Variants in CIAO3 observed in about 807,000 individuals in gnomAD.
CIAO3 encodes cytosolic iron-sulfur assembly component 3.
CIAO3 carries 45 observed loss-of-function variants against 51.5 expected under a neutral mutation model. The observed-to-expected ratio is 0.87, with a 90% CI of 0.69 to 1.12. The LOEUF is 1.12. Ranked by LOEUF, CIAO3 falls within the 50% of genes most tolerant of loss-of-function variation. The probability of loss-of-function intolerance (pLI) is 0.00; values close to 1 mark genes in which losing one functional copy is unlikely to be tolerated. For missense variants in CIAO3, 668 were observed against 632.5 expected, an observed-to-expected ratio of 1.06 and a Z score of -0.60; for synonymous variants, 314 against 269.3, an observed-to-expected ratio of 1.17 and a Z score of -1.63.
chr16:739,897 C>A, intron 1 of CIAO3, 159 bp from the exon 2 acceptor site: 2 of 1,210,582 alleles, frequency 1.7e-6, no homozygotes, highest in Non-Finnish European at 2.3e-6. Flanking sequence ...TCTTCCTGCC[C>A]CACTGCTCTC....
Position 729,895 on chromosome 16 carries a change from C to A in CIAO3, c.*522G>T. The stretch of plus-strand genomic sequence containing the variant: ...CTTGCCCCGGACCACAGCCTCGTAA[C>A]GGTAACCCCTGCTTTCCAGGGGCCT... On this transcript the variant is annotated 3_prime_UTR_variant, in exon 11 of 11. Transcript: ENST00000251588. The A allele has an allele frequency of 2.6e-6, 1 of 386,424 alleles. No homozygotes were observed. Among genetic ancestry groups the A allele is most frequent in the Non-Finnish European group, 4.6e-6 (1 of 216,454 alleles). The allele number at this position is 386,424 out of a possible 1,614,324, so 23.9% of individuals were successfully genotyped here.
At position 731,719 on chromosome 16, in the gene CIAO3, GGCCTCA is replaced by G. The variant is rs2041285449; in HGVS notation, c.897-23_897-18del. The G allele has an allele frequency of 6.5e-7, 1 of 1,541,038 alleles. No homozygotes were observed. Among genetic ancestry groups the G allele is most frequent in the African/African-American group, 1.4e-5 (1 of 73,484 alleles). On this transcript the variant is annotated intron_variant, in intron 8 of 10. Coordinates refer to ENST00000251588, the MANE Select transcript of CIAO3 (RefSeq NM_022493.3). Reference sequence around the variant, plus strand: ...CCGCTGCACCTGGCAAGGAGGGAGGGGCCTCAGCACAGCTGGGGCTGCTGCCTGCCA... The same window carrying G: ...CCGCTGCACCTGGCAAGGAGGGAGGGGCACAGCTGGGGCTGCTGCCTGCCA...
At chr16:733,560 C>T in intron 6 of CIAO3, 133 bp from the exon 7 acceptor site, 1 of 1,372,222 alleles carries the variant, frequency 7.3e-7, no homozygotes, top group Non-Finnish European at 9.9e-7. Flanking sequence ...TCCCAGCAAG[C>T]CTCCTGCCGG....
chr16:734,353 G>A lies in CIAO3; in HGVS notation c.575-6C>T. ...CTCGGCATAGCAGATCCAGCCTGAG[G>A]TGACAGGGGGCACACGGGGCTGGCG... On this transcript the variant is annotated splice_polypyrimidine_tract_variant and splice_region_variant and intron_variant, in intron 5 of 10. Transcript: ENST00000251588. 1.2e-6 allele frequency: 2 copies of A among 1,603,782 alleles called. No homozygotes were observed. Among genetic ancestry groups the A allele is most frequent in the Non-Finnish European group, 1.7e-6 (2 of 1,175,604 alleles).
At chr16:738,485 C>G (rs1380222293) in intron 2 of CIAO3, 2 of 280,876 alleles carry the variant, frequency 7.1e-6, no homozygotes, top group African/African-American at 4.7e-5. Context: ...GTAGCTGGGA[C>G]TACAGGCGCC....
rs1000769425 is a variant in CIAO3 at position 729,928 on chromosome 16, C to A, written c.*489G>T. ...CCTGCTTTCCAGGGGCCTGGCACCC[C>A]CCCCTGCCAGGGTCCACACGCAGGG... On this transcript the variant is annotated 3_prime_UTR_variant, in exon 11 of 11. Coordinates refer to ENST00000251588, the MANE Select transcript of CIAO3 (RefSeq NM_022493.3). The A allele has an allele frequency of 5.7e-6, 2 of 349,374 alleles. No homozygotes were observed. Among genetic ancestry groups the A allele is most frequent in the African/African-American group, 4.3e-5 (2 of 46,138 alleles). The allele number at this position is 349,374 out of a possible 1,614,324, so 21.6% of individuals were successfully genotyped here.
rs1266353935 is a variant in CIAO3 at position 736,416 on chromosome 16, G to A, written c.307-18C>T. The A allele has an allele frequency of 1.9e-6, 3 of 1,612,270 alleles. No homozygotes were observed. On this transcript the variant is annotated intron_variant, in intron 3 of 10. Transcript: ENST00000251588. Reference sequence around the variant, plus strand: ...GCCGCCATCTGCAAAGCAAGGGGAAGACGCTGCTTACTCTGCTGGCCTTAT... The same window carrying A: ...GCCGCCATCTGCAAAGCAAGGGGAAAACGCTGCTTACTCTGCTGGCCTTAT...
At chr16:736,745 C>T (rs1295803683) in intron 3 of CIAO3, among the ~76,000 whole-genome samples, 2 of 152,088 alleles carry the variant, frequency 1.3e-5, no homozygotes, top group Non-Finnish European at 2.9e-5. Context: ...CTCACTGCAA[C>T]CTCTGTCTCC....
chr16:737,100 C>T lies in CIAO3; in HGVS notation c.306+86G>A. 6.3e-7 allele frequency: 1 copy of T among 1,580,360 alleles called. No individual in the cohort carries two copies. The highest frequency in any genetic ancestry group is 8.7e-7 in the Non-Finnish European group (1 of 1,153,544). ...ACCCGCACGACGGACGTCGGCACCA[C>T]ACGAGCTGCCCTTGGCAAAACGCGT... is the stretch of plus-strand genomic sequence containing the variant. On this transcript the variant is annotated intron_variant, in intron 3 of 10. Coordinates refer to ENST00000251588, the MANE Select transcript of CIAO3 (RefSeq NM_022493.3). This position sits in a 1 kb window ranked among gnomAD's most constrained non-coding sequence, Gnocchi z 5.3.
At chr16:739,992 C>T (rs769885845) in intron 1 of CIAO3, 4 of 1,476,486 alleles carry the variant, frequency 2.7e-6, no homozygotes, top group Non-Finnish European at 3.6e-6. Context: ...CTGCAAACTA[C>T]CCACCTGCGG....
chr16:732,203 G>C (rs2041290355), intron 8 of CIAO3, 98 bp downstream of exon 8: 1 of 1,303,444 alleles, frequency 7.7e-7, no homozygotes, highest in Admixed American at 2.1e-5. Flanking sequence ...TGGACGCCAA[G>C]ATGGGCTGCG....
At position 737,401 on chromosome 16, in the gene CIAO3, T is replaced by A. The variant is rs1596674927; in HGVS notation, c.163-72A>T. On this transcript the variant is annotated intron_variant, in intron 2 of 10. Transcript: ENST00000251588. This position sits in a 1 kb window ranked among gnomAD's most constrained non-coding sequence, Gnocchi z 5.3. ...GACATGGAGACAGAGGATAGTGGAG[T>A]CCAGCTCATAACCGACAACCAACAT... The A allele has an allele frequency of 6.3e-7, 1 of 1,599,110 alleles. No individual in the cohort carries two copies. The highest frequency in any genetic ancestry group is 1.7e-5 in the Admixed American group (1 of 59,448).
In CIAO3 at chr16:729,926, C is replaced by G. The variant is rs371560469; in HGVS notation, c.*491G>C. On this transcript the variant is annotated 3_prime_UTR_variant, in exon 11 of 11. Transcript: ENST00000251588. ...CCCCTGCTTTCCAGGGGCCTGGCACCCCCCCCTGCCAGGGTCCACACGCAG... is the reference window on the plus strand; with the variant it reads ...CCCCTGCTTTCCAGGGGCCTGGCACGCCCCCCTGCCAGGGTCCACACGCAG... 1 of 348,810 alleles carries G rather than the reference C, an allele frequency of 2.9e-6. No homozygotes were observed. The highest frequency in any genetic ancestry group is 2.4e-5 in the South Asian group (1 of 42,008). The allele number at this position is 348,810 out of a possible 1,614,324, so 21.6% of individuals were successfully genotyped here. A position where few individuals can be genotyped will look rare whatever the true frequency, so the allele number is the denominator to read the frequency against.
In CIAO3 at chr16:731,603, A is replaced by G; in HGVS notation, c.996T>C (p.Phe332=). The G allele has an allele frequency of 6.4e-7, 1 of 1,566,094 alleles. No individual in the cohort carries two copies. Among genetic ancestry groups the G allele is most frequent in the Non-Finnish European group, 8.7e-7 (1 of 1,155,900 alleles). ...HVFRHAAREL[F]GIHVAEVTYK... ...AGGTAACCTCAGCCACATGGATTCC[A>G]AAGAGCTCTCGGGCCGCGTGCCGGA... The change falls in exon 9 of 11, where the codon TTT becomes TTC. Residue 332 remains phenylalanine, a synonymous_variant. Transcript: ENST00000251588.
chr16:732,353 C>T lies in CIAO3; in HGVS notation c.844G>A (p.Glu282Lys). Reference sequence around the variant, plus strand: ...TCGGGGAGGGAGACGCCCTCTTCCTCCAGCAACCTGAAAACTTCTCCTGCA... The same window carrying T: ...TCGGGGAGGGAGACGCCCTCTTCCTTCAGCAACCTGAAAACTTCTCCTGCA... The part of the protein sequence containing the change: ...LTTGEVFRLL[E>K]EEGVSLPDLE... The change falls in exon 8 of 11, where the codon GAG becomes AAG. Residue 282 changes from glutamate (E) to lysine (K), a missense_variant. By Grantham distance (56) the Glu-to-Lys change is moderately conservative (BLOSUM62 1). Transcript: ENST00000251588. 1 of 1,612,962 alleles carries T rather than the reference C, an allele frequency of 6.2e-7. No individual in the cohort carries two copies. Among genetic ancestry groups the T allele is most frequent in the Non-Finnish European group, 8.5e-7 (1 of 1,179,894 alleles).
chr16:734,849 G>A lies in CIAO3; in HGVS notation c.462C>T (p.Thr154=), dbSNP rs201194746. Residue 154 remains threonine, a synonymous_variant, in exon 5 of 11, where the codon ACC becomes ACT. Coordinates refer to ENST00000251588, the MANE Select transcript of CIAO3 (RefSeq NM_022493.3). ...GGAGGCTGAAGTGCCTTGAGAAGGC[G>A]GTGTCGAAGACGAAGTGCACCCCTG... The part of the protein sequence containing the change: ...KKIGVHFVFD[T]AFSRHFSLLE... The A allele has an allele frequency of 1.9e-4, 295 of 1,573,452 alleles. No homozygotes were observed. The highest frequency in any genetic ancestry group is 2.3e-4 in the Non-Finnish European group (264 of 1,155,650).
In CIAO3 at chr16:737,745, G is replaced by T; in HGVS notation, c.163-416C>A. 1 of 1,274,006 alleles carries T rather than the reference G, an allele frequency of 7.8e-7. No individual in the cohort carries two copies. The highest frequency in any genetic ancestry group is 1.0e-6 in the Non-Finnish European group (1 of 980,858). The allele number at this position is 1,274,006 out of a possible 1,614,324, so 78.9% of individuals were successfully genotyped here. A position where few individuals can be genotyped will look rare whatever the true frequency, so the allele number is the denominator to read the frequency against. On this transcript the variant is annotated intron_variant, in intron 2 of 10. Coordinates refer to ENST00000251588, the MANE Select transcript of CIAO3 (RefSeq NM_022493.3). The surrounding 1 kb of genome is among the most constrained non-coding windows in gnomAD (Gnocchi z 5.3). ...GAGGACAAAGGAGGAAAGGACGAAG[G>T]CACAGGAAGAGGAGAGCAGAGGGAG...
chr16:740,613 T>C (rs978503994), intron 1 of CIAO3: 4 of 478,720 alleles, frequency 8.4e-6, no homozygotes, highest in Non-Finnish European at 1.5e-5. Context: ...CTGCCTCCTC[T>C]GGGTTGGGCA....
At position 737,466 on chromosome 16, in the gene CIAO3, A is replaced by G. The variant is rs544385092; in HGVS notation, c.163-137T>C. On this transcript the variant is annotated intron_variant, in intron 2 of 10. Transcript: ENST00000251588. The surrounding 1 kb of genome is among the most constrained non-coding windows in gnomAD (Gnocchi z 5.3). ...CTTGTGTGCCGCTGAATTTTTAAAA[A>G]TTAGGTATGTATTACAAAAATGCAC... 2.6e-6 allele frequency: 4 copies of G among 1,533,876 alleles called. No homozygotes were observed. The African/African-American group carries it at 5.5e-5, about 21-fold the overall frequency.
Sources: allele counts gnomAD v4.1 joint callset (sites outside exome capture counted in the v4.1 genomes callset), GRCh38; gene constraint gnomAD v4.1.1; non-coding constraint Gnocchi (gnomAD v3.1); transcripts MANE v1.5; gene names NCBI Gene and HGNC (gene_info 2026-07-23, HGNC 2026-07-21).